HECW2: variants seen among roughly 807,000 people sequenced by gnomAD.
The protein encoded by HECW2 is E3 ubiquitin-protein ligase HECW2.
A neutral mutation model predicts 175.2 loss-of-function variants in HECW2; 61 were observed. The observed-to-expected ratio is 0.35, with a 90% confidence interval of 0.28 to 0.43. The LOEUF (loss-of-function observed/expected upper bound fraction) is 0.43, where lower values mean the gene tolerates loss of function less well. Ranked by LOEUF, HECW2 falls within the 20% of genes least tolerant of loss-of-function variation. The pLI, the probability that HECW2 is intolerant of heterozygous loss-of-function variation, is 1.00. For synonymous variants in HECW2, 671 were observed against 731.0 expected (o/e 0.92, Z 1.32); for missense variants, 1,524 against 2,000.5 (o/e 0.76, Z 4.54).
intron 1 of HECW2, among the ~76,000 whole-genome samples, chr2:196,463,000 A>C (rs912535911): frequency 1.3e-5 from 2 of 152,156 alleles, no homozygotes; most frequent in African/African-American, 4.8e-5. Flanking sequence ...CCCATTCCCC[A>C]GTGGTAGTAT....
chr2:196,588,274 C>T (rs996997072), intron 1 of HECW2, among the ~76,000 whole-genome samples: 3 of 152,080 alleles, frequency 2.0e-5, no homozygotes, highest in East Asian at 1.9e-4. Flanking sequence ...GATACTAACC[C>T]GCAGATGGAG....
chr2:196,196,967 C>G lies in HECW2; in HGVS notation c.*4310G>C, dbSNP rs1251506231. 3 of 151,768 alleles carry G rather than the reference C, an allele frequency of 2.0e-5. No individual in the cohort carries two copies. The highest frequency in any genetic ancestry group is 4.4e-5 in the Non-Finnish European group (3 of 68,022). 9.4% of individuals were successfully genotyped at this position (151,768 alleles called of 1,614,324 possible). A position where few individuals can be genotyped will look rare whatever the true frequency, so the allele number is the denominator to read the frequency against. On this transcript the variant is annotated 3_prime_UTR_variant, in exon 29 of 29. Coordinates refer to ENST00000644978, the MANE Select transcript of HECW2 (RefSeq NM_001348768.2). The stretch of plus-strand genomic sequence containing the variant: ...GGTGTGGTGGTATGCGCCTGTAGTC[C>G]CAGTTACTCAGGAGGCTGAGGTGGG...
In HECW2 at chr2:196,446,729, CA is replaced by C. The variant is rs1172685309; in HGVS notation, c.-35-13272del. On this transcript the variant is annotated intron_variant, in intron 1 of 28. Coordinates refer to ENST00000644978, the MANE Select transcript of HECW2 (RefSeq NM_001348768.2). ...TGCTTACCATTACTACAGAAATCAA[CA>C]AAAGGTGCATCAAAGCAGAAAAAAG... 2.0e-5 allele frequency among the ~76,000 whole-genome samples: 3 copies of C among 151,938 alleles called. No homozygotes were observed. The East Asian group carries it at 5.8e-4, about 29-fold the overall frequency.
chr2:196,572,006 T>C (rs919288024), intron 1 of HECW2, among the ~76,000 whole-genome samples: 78 of 152,200 alleles, frequency 5.1e-4, no homozygotes, highest in African/African-American at 1.9e-3. Context: ...GAGGGCATTA[T>C]GTTAAGTGAA....
At chr2:196,561,520 T>C (rs1690000241) in intron 1 of HECW2, among the ~76,000 whole-genome samples, 3 of 152,178 alleles carry the variant, frequency 2.0e-5, no homozygotes, top group Admixed American at 2.0e-4. Flanking sequence ...TCCCTCCTCT[T>C]TGAAAATTGC....
intron 1 of HECW2, among the ~76,000 whole-genome samples, chr2:196,503,985 C>T (rs550683530): frequency 1.8e-4 from 28 of 152,044 alleles, no homozygotes; most frequent in Admixed American, 5.9e-4. Context: ...GAGCATCCAA[C>T]GCCGACTTCA....
chr2:196,448,365 C>T (rs1047896882), intron 1 of HECW2, among the ~76,000 whole-genome samples: 88 of 152,254 alleles, frequency 5.8e-4, no homozygotes, highest in African/African-American at 2.0e-3. Context: ...CAGACAGGCA[C>T]CAAGCTAGTG....
At chr2:196,566,699 ATTTTTTTTT>A (rs58391487) in intron 1 of HECW2, among the ~76,000 whole-genome samples, 9 of 94,206 alleles carry the variant, frequency 9.6e-5, no homozygotes, top group Non-Finnish European at 1.6e-4. Flanking sequence ...CACCCAGCTA[ATTTTTTTTT>A]TTTTTTTTTT....
intron 1 of HECW2, among the ~76,000 whole-genome samples, chr2:196,509,628 A>G (rs1284773629): frequency 3.3e-5 from 5 of 152,248 alleles, no homozygotes; most frequent in Non-Finnish European, 7.3e-5. Context: ...ACAAGGACAA[A>G]GACCAAATAT....
At chr2:196,576,945 T>A (rs989182578) in intron 1 of HECW2, among the ~76,000 whole-genome samples, 3 of 152,138 alleles carry the variant, frequency 2.0e-5, no homozygotes, top group Non-Finnish European at 2.9e-5. Flanking sequence ...TTTTCAATCA[T>A]CTAAGAATAA....
At chr2:196,310,766 T>C (rs1691464090) in intron 10 of HECW2, among the ~76,000 whole-genome samples, 1 of 41,914 alleles carries the variant, frequency 2.4e-5, no homozygotes, top group African/African-American at 5.3e-5. Flanking sequence ...AGAGCAACGA[T>C]TTTGTGTGTG....
chr2:196,495,426 C>T (rs1437729740), intron 1 of HECW2, among the ~76,000 whole-genome samples: 1 of 151,980 alleles, frequency 6.6e-6, no homozygotes, highest in Admixed American at 6.6e-5. Flanking sequence ...AGATATGTAA[C>T]ATAAAAATAC....
intron 28 of HECW2, among the ~76,000 whole-genome samples, chr2:196,214,099 G>C (rs1310745528): frequency 6.6e-6 from 1 of 152,214 alleles, no homozygotes; most frequent in Non-Finnish European, 1.5e-5. Context: ...GCCAGAGACA[G>C]TATTAAGTAT....
At chr2:196,458,434 ACT>A (rs1553519546) in intron 1 of HECW2, among the ~76,000 whole-genome samples, 1,465 of 80,840 alleles carry the variant, frequency 0.018, 11 homozygotes, top group Middle Eastern at 0.065. Flanking sequence ...CCTCTCACTC[ACT>A]CACACACACA....
rs914961185 is a variant in HECW2 at position 196,253,773 on chromosome 2, G to A, written c.3529+147C>T. On this transcript the variant is annotated intron_variant, in intron 19 of 28. Transcript: ENST00000644978. ...CCTCATGGAAATAAGCCACTCTTAC[G>A]AGACAGGAAATGCACACGTGTATCT... The A allele has an allele frequency of 2.3e-5, 14 of 614,114 alleles. 1 individual carries two copies. The highest frequency in any genetic ancestry group is 2.2e-4 in the African/African-American group (12 of 55,038). The allele number at this position is 614,114 out of a possible 1,614,324, so 38.0% of individuals were successfully genotyped here.
chr2:196,474,722 T>A (rs2125359302), intron 1 of HECW2, among the ~76,000 whole-genome samples: 1 of 152,320 alleles, frequency 6.6e-6, no homozygotes, highest in East Asian at 1.9e-4. Context: ...ATTGCCATCT[T>A]TTTTTAGGAT....
At chr2:196,399,320 T>C (rs1694754791) in intron 2 of HECW2, among the ~76,000 whole-genome samples, 1 of 152,192 alleles carries the variant, frequency 6.6e-6, no homozygotes, top group Admixed American at 6.5e-5. Flanking sequence ...AACATATGTA[T>C]ATTACAAAGA....
intron 2 of HECW2, among the ~76,000 whole-genome samples, chr2:196,417,801 T>C (rs970575058): frequency 4.6e-5 from 7 of 152,238 alleles, no homozygotes; most frequent in African/African-American, 1.2e-4. Flanking sequence ...GTGGCTGTCA[T>C]GGAGCCCCAA....
At chr2:196,304,038 G>C (rs1253574755) in intron 13 of HECW2, among the ~76,000 whole-genome samples, 1 of 152,078 alleles carries the variant, frequency 6.6e-6, no homozygotes, top group Non-Finnish European at 1.5e-5. Context: ...CCCATTCTTT[G>C]CATAACAGCT....
Sources: allele counts gnomAD v4.1 joint callset (sites outside exome capture counted in the v4.1 genomes callset), GRCh38; gene constraint gnomAD v4.1.1; transcripts MANE v1.5; gene names NCBI Gene and HGNC (gene_info 2026-07-23, HGNC 2026-07-21).